Variants in MAP2K5 observed in about 807,000 individuals in gnomAD.
The protein encoded by MAP2K5 is dual specificity mitogen-activated protein kinase kinase 5.
Under a neutral mutation model 83.1 loss-of-function variants are expected in MAP2K5, and 49 were observed. That is an observed-to-expected ratio of 0.59 (90% CI 0.47 to 0.75). The LOEUF is 0.75. Among genes scored for constraint, MAP2K5 ranks in the 30% least tolerant of loss-of-function variants. The pLI is 0.00. For missense variants in MAP2K5, 457 were observed against 557.5 expected (o/e 0.82, Z 1.82); for synonymous variants, 202 against 191.8 (o/e 1.05, Z -0.44).
At chr15:67,753,542 G>C (rs1389447007) in intron 19 of MAP2K5, among the ~76,000 whole-genome samples, 2 of 152,070 alleles carry the variant, frequency 1.3e-5, no homozygotes, top group African/African-American at 4.8e-5. Context: ...GATTTAAATA[G>C]ACATTTCTCT....
chr15:67,564,775 C>CCA (rs2084805551), intron 3 of MAP2K5, among the ~76,000 whole-genome samples: 1 of 152,102 alleles, frequency 6.6e-6, no homozygotes, highest in Admixed American at 6.6e-5. Context: ...TTTAGAAAAC[C>CCA]CACACACACA....
intron 8 of MAP2K5, among the ~76,000 whole-genome samples, chr15:67,620,931 G>A (rs747693422): frequency 2.0e-5 from 3 of 152,112 alleles, no homozygotes; most frequent in African/African-American, 4.8e-5. Context: ...AATGAATTAG[G>A]TGGTAGAAAT....
intron 15 of MAP2K5, among the ~76,000 whole-genome samples, chr15:67,699,165 A>C (rs1345664501): frequency 6.6e-6 from 1 of 151,944 alleles, no homozygotes; most frequent in African/African-American, 2.4e-5. Flanking sequence ...AATGCACCGA[A>C]GAGCTAAAAA....
chr15:67,581,091 G>A (rs1219945723), intron 4 of MAP2K5, among the ~76,000 whole-genome samples: 3 of 152,092 alleles, frequency 2.0e-5, no homozygotes, highest in African/African-American at 7.2e-5. Flanking sequence ...TCTTTTGGGG[G>A]TCCACATGGT....
intron 9 of MAP2K5, chr15:67,642,458 G>C: frequency 6.2e-7 from 1 of 1,610,398 alleles, no homozygotes. Flanking sequence ...TACATATTGA[G>C]GGCCAGAGCT....
chr15:67,727,893 A>G (rs775646474), intron 16 of MAP2K5, 23 bp from the exon 17 acceptor site: 5 of 1,598,606 alleles, frequency 3.1e-6, no homozygotes, highest in Non-Finnish European at 3.4e-6. Context: ...CTATAACTAG[A>G]CAAATATTAT....
rs762495871 is a variant in MAP2K5, at chr15:67,676,232, A to G, written c.847+11587A>G. On this transcript the variant is annotated intron_variant, in intron 13 of 21. Coordinates refer to ENST00000178640, the MANE Select transcript of MAP2K5 (RefSeq NM_145160.3). This position sits in a 1 kb window ranked among gnomAD's most constrained non-coding sequence, Gnocchi z 4.8. Reference sequence around the variant, plus strand: ...AGCTTATCAGAGGGAGAGAGAGAGCACCTGTATGATGAATGACAGGGTCAT... The same window carrying G: ...AGCTTATCAGAGGGAGAGAGAGAGCGCCTGTATGATGAATGACAGGGTCAT... Among the ~76,000 whole-genome samples the G allele has an allele frequency of 5.9e-5, 9 of 152,164 alleles. No homozygotes were observed. The highest frequency in any genetic ancestry group is 1.0e-4 in the Non-Finnish European group (7 of 68,022).
intron 11 of MAP2K5, among the ~76,000 whole-genome samples, chr15:67,649,200 T>C (rs925086625): frequency 6.6e-6 from 1 of 152,228 alleles, no homozygotes; most frequent in Non-Finnish European, 1.5e-5. Flanking sequence ...TTGAGAAATA[T>C]GTTTTCAAAT....
Position 67,719,969 on chromosome 15 carries a change from A to T in MAP2K5, c.1045-7947A>T, listed in dbSNP as rs1390175002. Among the ~76,000 whole-genome samples the T allele has an allele frequency of 6.6e-6, 1 of 152,186 alleles. No homozygotes were observed. The highest frequency in any genetic ancestry group is 2.4e-5 in the African/African-American group (1 of 41,448). On this transcript the variant is annotated intron_variant, in intron 16 of 21. Coordinates refer to ENST00000178640, the MANE Select transcript of MAP2K5 (RefSeq NM_145160.3). This position sits in a 1 kb window ranked among gnomAD's most constrained non-coding sequence, Gnocchi z 4.6. ...TTAACTGACTTTTAGAGATTTAGTT[A>T]TATACCCAGATATTTTCATTAGTAT... is the stretch of plus-strand genomic sequence containing the variant.
chr15:67,657,475 T>C (rs1326323676), intron 11 of MAP2K5, among the ~76,000 whole-genome samples: 1 of 152,186 alleles, frequency 6.6e-6, no homozygotes, highest in Non-Finnish European at 1.5e-5. Context: ...GTTTTTCTGC[T>C]GTATTCTCAC....
intron 11 of MAP2K5, among the ~76,000 whole-genome samples, chr15:67,650,691 T>A: frequency 6.6e-6 from 1 of 152,158 alleles, no homozygotes; most frequent in East Asian, 1.9e-4. Flanking sequence ...CACTTAGTCA[T>A]GATGTGTAAT....
chr15:67,624,296 G>A (rs921449488), intron 8 of MAP2K5, among the ~76,000 whole-genome samples: 12 of 143,298 alleles, frequency 8.4e-5, no homozygotes, highest in African/African-American at 2.3e-4. Context: ...CCGAGATCGC[G>A]CTGCTGCACT....
rs1300690208 is a variant in MAP2K5, at chr15:67,644,592, T to C, written c.586-1639T>C. On this transcript the variant is annotated intron_variant, in intron 9 of 21. Transcript: ENST00000178640. The surrounding 1 kb of genome is among the most constrained non-coding windows in gnomAD (Gnocchi z 4.6). ...GTGGGTAATATCACTCAGTGATTGA[T>C]ATTTTAAATAAACCATAAAGTACTG... Among the ~76,000 whole-genome samples, 1 of 152,070 alleles carries C rather than the reference T, an allele frequency of 6.6e-6. No homozygotes were observed.
chr15:67,593,384 A>AGAGT (rs2085455736), intron 7 of MAP2K5, among the ~76,000 whole-genome samples: 2 of 152,212 alleles, frequency 1.3e-5, no homozygotes, highest in East Asian at 3.8e-4. Flanking sequence ...TTAGGGAGGC[A>AGAGT]GAGTGACAGC....
chr15:67,704,284 C>G (rs1249627818), intron 16 of MAP2K5, among the ~76,000 whole-genome samples: 1 of 152,144 alleles, frequency 6.6e-6, no homozygotes, highest in Non-Finnish European at 1.5e-5. Flanking sequence ...GAGATAGGGT[C>G]TTGCCATATT....
intron 17 of MAP2K5, among the ~76,000 whole-genome samples, chr15:67,731,850 C>G (rs1000679669): frequency 6.6e-6 from 1 of 152,180 alleles, no homozygotes; most frequent in Non-Finnish European, 1.5e-5. Flanking sequence ...AACCCTTCTT[C>G]TAGTTTGCCC....
chr15:67,591,410 T>C (rs537478209), intron 6 of MAP2K5, among the ~76,000 whole-genome samples: 1 of 151,572 alleles, frequency 6.6e-6, no homozygotes. Context: ...AGTCTCGCTC[T>C]GTAGCCCAGG....
intron 7 of MAP2K5, among the ~76,000 whole-genome samples, chr15:67,596,232 C>T (rs928982481): frequency 3.3e-5 from 5 of 152,044 alleles, no homozygotes; most frequent in Admixed American, 3.3e-4. Flanking sequence ...ACCAGCCTGG[C>T]CAACATGGTG....
intron 21 of MAP2K5, among the ~76,000 whole-genome samples, chr15:67,789,036 A>G (rs753395023): frequency 2.6e-5 from 4 of 152,080 alleles, no homozygotes; most frequent in South Asian, 2.1e-4. Context: ...TCTCCTTCCA[A>G]TCCTCCATAT....
Sources: gnomAD v4.1 joint callset for allele counts (sites outside exome capture counted in the v4.1 genomes callset) on GRCh38, gnomAD v4.1.1 for gene constraint, Gnocchi (gnomAD v3.1) non-coding constraint, MANE v1.5 for transcripts, NCBI Gene and HGNC (gene_info 2026-07-23, HGNC 2026-07-21) for gene names.